The following GRID2 variants were observed in gnomAD, a reference collection of about 807,000 sequenced individuals.
GRID2 encodes the protein glutamate receptor ionotropic, delta-2.
Under a neutral mutation model 114.8 loss-of-function variants are expected in GRID2, and 33 were observed. That is an observed-to-expected ratio of 0.29 (90% confidence interval 0.22 to 0.38). The LOEUF (loss-of-function observed/expected upper bound fraction) is 0.38. Ranked by LOEUF, GRID2 falls within the 10% of genes least tolerant of loss-of-function variation. The pLI is 1.00. For synonymous variants in GRID2, 505 were observed against 449.9 expected (o/e 1.12, Z -1.55); for missense variants, 1,184 against 1,257.7 (o/e 0.94, Z 0.89).
At chr4:93,176,113 A>G (rs1177729996) in intron 4 of GRID2, among the ~76,000 whole-genome samples, 2 of 152,254 alleles carry the variant, frequency 1.3e-5, no homozygotes, top group Non-Finnish European at 2.9e-5. Context: ...GTATTTTAGT[A>G]GAATATGTTC....
At chr4:93,308,129 A>G (rs1308073476) in intron 8 of GRID2, among the ~76,000 whole-genome samples, 1 of 152,102 alleles carries the variant, frequency 6.6e-6, no homozygotes, top group African/African-American at 2.4e-5. Flanking sequence ...TAATAACAAA[A>G]ATGGACTTTC....
At chr4:93,129,090 A>G (rs940163238) in intron 4 of GRID2, among the ~76,000 whole-genome samples, 1 of 152,164 alleles carries the variant, frequency 6.6e-6, no homozygotes, top group African/African-American at 2.4e-5. Flanking sequence ...AACTATCTAA[A>G]ATTCAGAATA....
chr4:93,419,559 AG>A (rs1768060949), intron 9 of GRID2, among the ~76,000 whole-genome samples: 1 of 152,054 alleles, frequency 6.6e-6, no homozygotes, highest in African/African-American at 2.4e-5. Context: ...TTAAAACTAA[AG>A]CTTTAAAAAC....
intron 2 of GRID2, among the ~76,000 whole-genome samples, chr4:92,775,490 T>A (rs1738749270): frequency 6.6e-6 from 1 of 152,180 alleles, no homozygotes; most frequent in Non-Finnish European, 1.5e-5. Flanking sequence ...TAGAGCAGAC[T>A]TGCTGATATA....
intron 2 of GRID2, among the ~76,000 whole-genome samples, chr4:93,022,105 A>G (rs1357511983): frequency 1.3e-5 from 2 of 151,762 alleles, no homozygotes; most frequent in Non-Finnish European, 3.0e-5. Flanking sequence ...GATATTTACA[A>G]AAATCTTTCC....
chr4:93,069,634 G>A (rs1326972582), intron 2 of GRID2, among the ~76,000 whole-genome samples: 2 of 152,048 alleles, frequency 1.3e-5, no homozygotes, highest in African/African-American at 4.8e-5. Context: ...GCCAACTGGA[G>A]GAAGGACTGG....
At chr4:93,594,102 C>A (rs1175635037) in intron 13 of GRID2, among the ~76,000 whole-genome samples, 2 of 152,198 alleles carry the variant, frequency 1.3e-5, no homozygotes, top group African/African-American at 4.8e-5. Flanking sequence ...TGGTGAGGAG[C>A]TGCATTCCTT....
intron 2 of GRID2, among the ~76,000 whole-genome samples, chr4:93,047,642 T>C (rs1017237216): frequency 2.0e-5 from 3 of 152,054 alleles, no homozygotes; most frequent in Non-Finnish European, 2.9e-5. Context: ...TATCATAGAA[T>C]TGTGAATAAA....
intron 7 of GRID2, among the ~76,000 whole-genome samples, chr4:93,229,161 G>GA (rs895542024): frequency 4.0e-5 from 6 of 150,302 alleles, no homozygotes; most frequent in Admixed American, 6.6e-5. Flanking sequence ...TGGATTTTTA[G>GA]AAAAAAAAAT....
intron 2 of GRID2, among the ~76,000 whole-genome samples, chr4:92,738,472 A>G (rs1736709985): frequency 6.6e-6 from 1 of 152,160 alleles, no homozygotes; most frequent in Admixed American, 6.6e-5. Context: ...TGTGTTGGCT[A>G]GGTAACGAAT....
chr4:92,672,153 G>C (rs1031218902), intron 2 of GRID2, among the ~76,000 whole-genome samples: 16 of 152,114 alleles, frequency 1.1e-4, no homozygotes, highest in African/African-American at 3.4e-4. Context: ...GAATCGTATA[G>C]TATATTTCCA....
At chr4:93,260,291 TA>T (rs1750110382) in intron 8 of GRID2, among the ~76,000 whole-genome samples, 1 of 151,476 alleles carries the variant, frequency 6.6e-6, no homozygotes, top group Admixed American at 6.6e-5. Context: ...GTTATCTTTA[TA>T]AGAAAAAATA....
intron 1 of GRID2, among the ~76,000 whole-genome samples, chr4:92,374,761 C>T (rs1446158138): frequency 6.6e-6 from 1 of 152,102 alleles, no homozygotes; most frequent in African/African-American, 2.4e-5. Context: ...TCTACAAGCA[C>T]ATTTTTAATA....
At chr4:93,079,547 T>A (rs575539715) in intron 2 of GRID2, among the ~76,000 whole-genome samples, 10 of 152,132 alleles carry the variant, frequency 6.6e-5, no homozygotes, top group Non-Finnish European at 8.8e-5. Context: ...CATTCTAATC[T>A]AAGTCAGGTT....
At chr4:93,727,490 G>T (rs893923701) in intron 14 of GRID2, among the ~76,000 whole-genome samples, 5 of 152,168 alleles carry the variant, frequency 3.3e-5, no homozygotes, top group African/African-American at 9.7e-5. Flanking sequence ...TCAGGATGAT[G>T]CTGGCCTCAT....
intron 8 of GRID2, among the ~76,000 whole-genome samples, chr4:93,373,287 T>G (rs1351755899): frequency 2.0e-5 from 3 of 152,146 alleles, no homozygotes; most frequent in Non-Finnish European, 4.4e-5. Flanking sequence ...TTCTTTTAGT[T>G]TAAATACCTT....
At chr4:92,753,658 ATG>A (rs1737564156) in intron 2 of GRID2, among the ~76,000 whole-genome samples, 3 of 152,172 alleles carry the variant, frequency 2.0e-5, no homozygotes, top group Non-Finnish European at 4.4e-5. Flanking sequence ...TGGGATGAAC[ATG>A]TGTAAGACTT....
At chr4:92,305,480 C>A (rs185437690) in intron 1 of GRID2, among the ~76,000 whole-genome samples, 3 of 152,254 alleles carry the variant, frequency 2.0e-5, no homozygotes, top group South Asian at 2.1e-4. Flanking sequence ...GAAGCGAATG[C>A]GCGCAGGCTG....
chr4:93,413,938 T>C (rs1004294090), intron 9 of GRID2, among the ~76,000 whole-genome samples: 2 of 152,212 alleles, frequency 1.3e-5, no homozygotes, highest in African/African-American at 4.8e-5. Context: ...CTTTAGTCTA[T>C]TGATTGAAAG....
Sources: allele counts gnomAD v4.1 joint callset (sites outside exome capture counted in the v4.1 genomes callset), GRCh38; gene constraint gnomAD v4.1.1; transcripts MANE v1.5; gene names NCBI Gene and HGNC (gene_info 2026-07-23, HGNC 2026-07-21).